The following TBC1D23 variants were observed in gnomAD, a reference collection of about 807,000 sequenced individuals.
TBC1D23 encodes TBC1 domain family member 23, also known as HCV non-structural protein 4A-transactivated protein 1.
Under a neutral mutation model 91.4 loss-of-function variants are expected in TBC1D23, and 55 were observed. That is an observed-to-expected ratio of 0.60 (90% confidence interval 0.48 to 0.75). TBC1D23 has a LOEUF of 0.75. TBC1D23 is among the 30% of genes least tolerant of loss of function. The pLI is 0.00. For synonymous variants in TBC1D23, 289 were observed against 281.0 expected (o/e 1.03, Z -0.28); for missense variants, 725 against 836.1 (o/e 0.87, Z 1.64).
At chr3:100,270,506 T>C (rs2067591451) in intron 1 of TBC1D23, among the ~76,000 whole-genome samples, 1 of 152,060 alleles carries the variant, frequency 6.6e-6, no homozygotes, top group Admixed American at 6.6e-5. Context: ...AGGAGAGAGA[T>C]GACTTTTTGA....
intron 12 of TBC1D23, among the ~76,000 whole-genome samples, chr3:100,305,306 G>A (rs1429795005): frequency 2.0e-5 from 3 of 152,052 alleles, no homozygotes; most frequent in Non-Finnish European, 4.4e-5. Context: ...TTTAAAAAAT[G>A]TTAGCTAAGT....
Position 100,283,797 on chromosome 3 carries a change from T to C in TBC1D23, c.462T>C (p.Asn154=), listed in dbSNP as rs149192580. ...ACAACTGCTTTTATGCCATAATGAATAAGTACATTCCCAGGTAAAATATGA... is the reference window on the plus strand; with the variant it reads ...ACAACTGCTTTTATGCCATAATGAACAAGTACATTCCCAGGTAAAATATGA... The part of the protein sequence containing the change: ...DLYNCFYAIM[N]KYIPRDCSQK... Residue 154 remains asparagine, a synonymous_variant, in exon 4 of 19, where the codon AAT becomes AAC. Coordinates refer to ENST00000394144, the MANE Select transcript of TBC1D23 (RefSeq NM_001199198.3). 766 of 1,605,406 alleles carry C rather than the reference T, an allele frequency of 4.8e-4. 6 individuals are homozygous for C. Among genetic ancestry groups the C allele is most frequent in the Admixed American group, 8.5e-4 (51 of 60,004 alleles).
chr3:100,271,569 A>C (rs978022799), intron 1 of TBC1D23, among the ~76,000 whole-genome samples: 1 of 152,200 alleles, frequency 6.6e-6, no homozygotes, highest in African/African-American at 2.4e-5. Context: ...ACAGGAAAGA[A>C]GAAAATGACT....
chr3:100,311,913 C>T, intron 15 of TBC1D23, 36 bp downstream of exon 15: 1 of 1,430,652 alleles, frequency 7.0e-7, no homozygotes, highest in Middle Eastern at 1.7e-4. Context: ...CTTGAACCAT[C>T]CTTTTCCTTT....
intron 8 of TBC1D23, among the ~76,000 whole-genome samples, chr3:100,296,965 G>T (rs1326381794): frequency 6.6e-6 from 1 of 151,856 alleles, no homozygotes; most frequent in African/African-American, 2.4e-5. Flanking sequence ...TAATAATGCT[G>T]AGCTGTCTTA....
At chr3:100,282,799 A>G (rs946029411) in intron 3 of TBC1D23, among the ~76,000 whole-genome samples, 1 of 152,218 alleles carries the variant, frequency 6.6e-6, no homozygotes, top group Non-Finnish European at 1.5e-5. Flanking sequence ...ACTGCCCATC[A>G]TGGAGTAGGT....
At chr3:100,300,814 T>A (rs1467531377) in intron 10 of TBC1D23, among the ~76,000 whole-genome samples, 1 of 152,140 alleles carries the variant, frequency 6.6e-6, no homozygotes. Flanking sequence ...TTTTTAAAAA[T>A]TTTTAAAGAA....
chr3:100,264,599 T>C (rs2148847590), intron 1 of TBC1D23, among the ~76,000 whole-genome samples: 2 of 152,350 alleles, frequency 1.3e-5, no homozygotes, highest in East Asian at 3.9e-4. Flanking sequence ...ATTGTTGCTA[T>C]GTTAAGTGAC....
At chr3:100,298,137 A>T in intron 9 of TBC1D23, 92 bp downstream of exon 9, 1 of 1,104,408 alleles carries the variant, frequency 9.1e-7, no homozygotes. Flanking sequence ...CACAAAATCA[A>T]TTTACTGCAA....
In TBC1D23 at chr3:100,266,701, CTG is replaced by C. The variant is rs201225195; in HGVS notation, c.53+5634_53+5635del. Among the ~76,000 whole-genome samples the C allele has an allele frequency of 2.6e-5, 4 of 152,302 alleles. No individual in the cohort carries two copies. In the East Asian group the frequency reaches 7.7e-4, roughly 29 times the overall value. ...TATTTCAATTAATTCATTTTTATCT[CTG>C]TGTAATCACTGCAGAGAGGCGACAA... On this transcript the variant is annotated intron_variant, in intron 1 of 18. Coordinates refer to ENST00000394144, the MANE Select transcript of TBC1D23 (RefSeq NM_001199198.3).
chr3:100,279,636 A>G lies in TBC1D23; in HGVS notation c.54-13A>G. 1.3e-6 allele frequency: 2 copies of G among 1,495,848 alleles called. No individual in the cohort carries two copies. Among genetic ancestry groups the G allele is most frequent in the South Asian group, 1.2e-5 (1 of 83,766 alleles). 92.7% of individuals were successfully genotyped at this position (1,495,848 alleles called of 1,614,324 possible). On this transcript the variant is annotated splice_polypyrimidine_tract_variant and intron_variant, in intron 1 of 18. Coordinates refer to ENST00000394144, the MANE Select transcript of TBC1D23 (RefSeq NM_001199198.3). ...GATAAAGTTCATTTTAATAAATAGG[A>G]CTTATTTTTTAGGGAAAAAGATCTT...
chr3:100,265,375 G>A (rs1055940283), intron 1 of TBC1D23, among the ~76,000 whole-genome samples: 1 of 152,160 alleles, frequency 6.6e-6, no homozygotes, highest in Non-Finnish European at 1.5e-5. Context: ...CAAGCTCCCT[G>A]GGATTCAGCC....
intron 9 of TBC1D23, among the ~76,000 whole-genome samples, chr3:100,298,909 T>A (rs921874759): frequency 2.6e-5 from 4 of 152,232 alleles, no homozygotes; most frequent in South Asian, 2.1e-4. Flanking sequence ...TATCTAGAGT[T>A]GTGTTTATAA....
chr3:100,285,993 T>A (rs570203309), intron 4 of TBC1D23, among the ~76,000 whole-genome samples: 2 of 152,222 alleles, frequency 1.3e-5, no homozygotes, highest in African/African-American at 4.8e-5. Context: ...GTTTCAGATA[T>A]AAGTGGACTG....
At chr3:100,294,006 TTTAGTATTAGC>T (rs1357736015) in intron 5 of TBC1D23, among the ~76,000 whole-genome samples, 1 of 152,186 alleles carries the variant, frequency 6.6e-6, no homozygotes, top group African/African-American at 2.4e-5. Context: ...GTGATAATAG[TTTAGTATTAGC>T]TTAGTATTGC....
intron 16 of TBC1D23, among the ~76,000 whole-genome samples, chr3:100,317,107 T>G (rs1379391848): frequency 6.6e-6 from 1 of 152,008 alleles, no homozygotes; most frequent in African/African-American, 2.4e-5. Flanking sequence ...AATTTAGTCT[T>G]TGGTTTATAA....
At chr3:100,287,140 T>C (rs1045795422) in intron 4 of TBC1D23, among the ~76,000 whole-genome samples, 12 of 151,878 alleles carry the variant, frequency 7.9e-5, no homozygotes, top group African/African-American at 2.9e-4. Context: ...TGAGACAGGG[T>C]CTCACTCTGT....
intron 4 of TBC1D23, among the ~76,000 whole-genome samples, chr3:100,284,515 A>C (rs1274829319): frequency 1.3e-5 from 2 of 152,112 alleles, no homozygotes; most frequent in Non-Finnish European, 2.9e-5. Flanking sequence ...AAGTAAATTG[A>C]AGTGTGCTGA....
intron 2 of TBC1D23, among the ~76,000 whole-genome samples, chr3:100,281,168 TAA>T (rs1248931607): frequency 6.6e-6 from 1 of 152,014 alleles, no homozygotes; most frequent in South Asian, 2.1e-4. Flanking sequence ...TCTCAAAAAA[TAA>T]AAAAGACTGG....
Sources: gnomAD v4.1 joint callset for allele counts (sites outside exome capture counted in the v4.1 genomes callset) on GRCh38, gnomAD v4.1.1 for gene constraint, MANE v1.5 for transcripts, NCBI Gene and HGNC (gene_info 2026-07-23, HGNC 2026-07-21) for gene names.